Variants in RHOH observed in about 807,000 individuals in gnomAD.
RHOH encodes ras homolog family member H.
Under a neutral mutation model 13.8 loss-of-function variants are expected in RHOH, and 6 were observed. That is an observed-to-expected ratio of 0.44 (90% confidence interval 0.24 to 0.86). The LOEUF (loss-of-function observed/expected upper bound fraction) is 0.86, where lower values mean the gene tolerates loss of function less well. Among genes scored for constraint, RHOH ranks in the 40% least tolerant of loss-of-function variants. The pLI is 0.24. For synonymous variants in RHOH, 117 were observed against 103.0 expected, an observed-to-expected ratio of 1.14 and a Z score of -0.82; for missense variants, 147 against 244.5, an observed-to-expected ratio of 0.60 and a Z score of 2.66.
intron 1 of RHOH, among the ~76,000 whole-genome samples, chr4:40,228,311 G>C (rs1262882773): frequency 6.6e-6 from 1 of 152,012 alleles, no homozygotes. Flanking sequence ...TACAGCTTTT[G>C]GTTCTAGGTG....
chr4:40,243,784 C>T lies in RHOH; in HGVS notation c.398C>T (p.Ala133Val). 1 of 1,614,064 alleles carries T rather than the reference C, an allele frequency of 6.2e-7. No individual in the cohort carries two copies. Residue 133 changes from alanine to valine, a missense_variant, in exon 3 of 3, where the codon GCC becomes GTC. Physicochemically the swap from Ala to Val is moderately conservative, Grantham distance 64. This residue lies in a region of RHOH where 36 missense variants were observed against 30.7 expected (regional missense o/e 1.17). Coordinates refer to ENST00000381799, the MANE Select transcript of RHOH (RefSeq NM_004310.5). This position sits in a 1 kb window ranked among gnomAD's most constrained non-coding sequence, Gnocchi z 6.2. ...MGPHRASCVNAMEGKKLAQDV... is the reference protein window; with the variant it reads ...MGPHRASCVNVMEGKKLAQDV... The stretch of plus-strand genomic sequence containing the variant: ...CCCCACAGGGCCTCCTGCGTCAATG[C>T]CATGGAAGGGAAGAAACTGGCCCAG...
intron 1 of RHOH, among the ~76,000 whole-genome samples, chr4:40,216,136 A>ATTTTT (rs35028517): frequency 1.5e-5 from 2 of 132,580 alleles, no homozygotes; most frequent in East Asian, 2.1e-4. Context: ...GACAGTTGCT[A>ATTTTT]TTTTTTTTTT....
At chr4:40,198,376 G>T (rs1723503883) in intron 1 of RHOH, among the ~76,000 whole-genome samples, 1 of 152,234 alleles carries the variant, frequency 6.6e-6, no homozygotes, top group African/African-American at 2.4e-5. Flanking sequence ...TTTACACATT[G>T]CAGGAAATCA....
intron 1 of RHOH, among the ~76,000 whole-genome samples, chr4:40,239,110 T>C (rs1033166863): frequency 6.6e-6 from 1 of 152,174 alleles, no homozygotes; most frequent in African/African-American, 2.4e-5. Context: ...TTATCATCCA[T>C]CTTTACTGCC....
rs192208664 is a variant in RHOH, at chr4:40,206,990, C to T, written c.-331+9690C>T. On this transcript the variant is annotated intron_variant, in intron 1 of 2. Transcript: ENST00000381799. The stretch of plus-strand genomic sequence containing the variant: ...TTGGGAGGCTGAAGCGGGCGGATCA[C>T]GAGGTCAGGAGTTCAAGACCAGCCT... 3.9e-5 allele frequency among the ~76,000 whole-genome samples: 6 copies of T among 152,148 alleles called. No individual in the cohort carries two copies. In the East Asian group the frequency reaches 5.8e-4, roughly 15 times the overall value.
At chr4:40,231,567 C>T (rs1727951446) in intron 1 of RHOH, among the ~76,000 whole-genome samples, 2 of 152,190 alleles carry the variant, frequency 1.3e-5, no homozygotes, top group Admixed American at 1.3e-4. Flanking sequence ...ATCTGTCTCT[C>T]TCCTCTGGTG....
chr4:40,215,586 G>T (rs990126752), intron 1 of RHOH, among the ~76,000 whole-genome samples: 1 of 152,166 alleles, frequency 6.6e-6, no homozygotes, highest in Non-Finnish European at 1.5e-5. Context: ...AATTACTTCT[G>T]ACTCACCCTT....
At chr4:40,219,726 C>T (rs1395735239) in intron 1 of RHOH, among the ~76,000 whole-genome samples, 3 of 152,096 alleles carry the variant, frequency 2.0e-5, no homozygotes, top group African/African-American at 7.2e-5. Context: ...AGCATCTGAG[C>T]TGGGCTCTGG....
chr4:40,218,736 G>A lies in RHOH; in HGVS notation c.-331+21436G>A, dbSNP rs76987048. 0.078 allele frequency among the ~76,000 whole-genome samples: 11,883 copies of A among 152,182 alleles called. 757 individuals are homozygous for A. Among genetic ancestry groups the A allele is most frequent in the East Asian group, 0.36 (1,841 of 5,152 alleles). ...TACCAGCCTTGGAGGGGCCCTGAGA[G>A]CCCATCTAGTTCAATGCCTCATTTT... On this transcript the variant is annotated intron_variant, in intron 1 of 2. Coordinates refer to ENST00000381799, the MANE Select transcript of RHOH (RefSeq NM_004310.5). This position sits in a 1 kb window ranked among gnomAD's most constrained non-coding sequence, Gnocchi z 4.1.
chr4:40,225,293 C>T (rs1395179552), intron 1 of RHOH, among the ~76,000 whole-genome samples: 1 of 151,838 alleles, frequency 6.6e-6, no homozygotes, highest in African/African-American at 2.4e-5. Flanking sequence ...GCTGTGTTTC[C>T]CAGGCTGGTC....
rs147379201 is a variant in RHOH, at chr4:40,241,789, C to G, written c.-330-925C>G. On this transcript the variant is annotated intron_variant, in intron 1 of 2. Transcript: ENST00000381799. ...CATGTAGTCCCAGCTACTCGGGAGG[C>G]TGAGGTGGGAGGATCTCTTGAGCCC... Among the ~76,000 whole-genome samples, 20 of 152,256 alleles carry G rather than the reference C, an allele frequency of 1.3e-4. No individual in the cohort carries two copies. In the East Asian group the frequency reaches 3.5e-3, roughly 26 times the overall value.
chr4:40,215,358 A>G (rs1320516613), intron 1 of RHOH, among the ~76,000 whole-genome samples: 1 of 152,204 alleles, frequency 6.6e-6, no homozygotes, highest in African/African-American at 2.4e-5. Context: ...ATTGCCATAG[A>G]AAAATGATTG....
At chr4:40,211,974 A>G (rs185219929) in intron 1 of RHOH, among the ~76,000 whole-genome samples, 3 of 152,192 alleles carry the variant, frequency 2.0e-5, no homozygotes, top group Non-Finnish European at 4.4e-5. Context: ...CAGCTGGACT[A>G]TGCTTCTGAG....
At chr4:40,192,342 C>T (rs973146400), upstream of RHOH, among the ~76,000 whole-genome samples, 1 of 152,154 alleles carries the variant, frequency 6.6e-6, no homozygotes, top group Non-Finnish European at 1.5e-5. Context: ...AAAAGCTACC[C>T]ACTGAATCTA....
At chr4:40,217,054 A>G (rs953279316) in intron 1 of RHOH, among the ~76,000 whole-genome samples, 4 of 152,246 alleles carry the variant, frequency 2.6e-5, no homozygotes, top group Admixed American at 2.6e-4. Context: ...AATCACTGGA[A>G]TATTACAAAT....
intron 1 of RHOH, among the ~76,000 whole-genome samples, chr4:40,203,315 C>T (rs900871544): frequency 1.3e-5 from 2 of 152,104 alleles, no homozygotes; most frequent in African/African-American, 4.8e-5. Flanking sequence ...TGGATGAGTG[C>T]GGGAAGAGTT....
At chr4:40,203,511 T>C (rs1724276472) in intron 1 of RHOH, among the ~76,000 whole-genome samples, 1 of 151,456 alleles carries the variant, frequency 6.6e-6, no homozygotes, top group Admixed American at 6.6e-5. Flanking sequence ...CCAGGGAAGG[T>C]ATATCTGTGA....
chr4:40,195,802 A>G (rs1005311719), upstream of RHOH, among the ~76,000 whole-genome samples: 4 of 152,210 alleles, frequency 2.6e-5, no homozygotes, highest in Non-Finnish European at 5.9e-5. Context: ...AGGCTCGAGG[A>G]TCTCAGCTGG....
chr4:40,211,705 T>G (rs1725290762), intron 1 of RHOH, among the ~76,000 whole-genome samples: 2 of 152,340 alleles, frequency 1.3e-5, no homozygotes, highest in South Asian at 4.1e-4. Context: ...AGTGGAGTCA[T>G]AAATGATTGT....
Sources: allele counts gnomAD v4.1 joint callset (sites outside exome capture counted in the v4.1 genomes callset), GRCh38; gene constraint gnomAD v4.1.1; regional missense constraint gnomAD v4.1.1; non-coding constraint Gnocchi (gnomAD v3.1); transcripts MANE v1.5; gene names NCBI Gene and HGNC (gene_info 2026-07-23, HGNC 2026-07-21).